SYNPR: variants seen among roughly 807,000 people sequenced by gnomAD.
The protein encoded by SYNPR is synaptoporin.
Under a neutral mutation model 32.9 loss-of-function variants are expected in SYNPR, and 23 were observed. That is an observed-to-expected ratio of 0.70 (90% CI 0.50 to 0.99). The LOEUF is 0.99. Ranked by LOEUF, SYNPR falls within the 50% of genes least tolerant of loss-of-function variation. The pLI is 0.00. For synonymous variants in SYNPR, 146 were observed against 135.9 expected (o/e 1.07, Z -0.52); for missense variants, 318 against 349.3 (o/e 0.91, Z 0.71).
At chr3:63,341,254 A>G (rs2087366955) in intron 2 of SYNPR, among the ~76,000 whole-genome samples, 1 of 152,196 alleles carries the variant, frequency 6.6e-6, no homozygotes, top group Non-Finnish European at 1.5e-5. Context: ...ATTCCATTGT[A>G]TGGATGTACC....
chr3:63,330,389 ATC>A (rs1560194175), intron 2 of SYNPR: 1 of 152,024 alleles, frequency 6.6e-6, no homozygotes, highest in Non-Finnish European at 1.5e-5. Context: ...TTCCTACTCA[ATC>A]TGTGGCTGGA....
chr3:63,381,758 C>A (rs1472931349), intron 2 of SYNPR, among the ~76,000 whole-genome samples: 2 of 152,136 alleles, frequency 1.3e-5, no homozygotes, highest in East Asian at 3.9e-4. Context: ...TTCATTCTCT[C>A]TGTGTATTGT....
At chr3:63,340,698 C>T (rs1329898285) in intron 2 of SYNPR, among the ~76,000 whole-genome samples, 7 of 152,114 alleles carry the variant, frequency 4.6e-5, no homozygotes, top group Admixed American at 6.5e-5. Flanking sequence ...GGATTACAGG[C>T]GTGAGCCACC....
At chr3:63,545,450 A>C (rs1381797204) in intron 3 of SYNPR, 1 of 152,146 alleles carries the variant, frequency 6.6e-6, no homozygotes, top group East Asian at 1.9e-4. Context: ...GTCTACAGCC[A>C]TACCACCCTG....
chr3:63,580,921 G>A (rs1352420223), intron 4 of SYNPR, among the ~76,000 whole-genome samples: 1 of 152,116 alleles, frequency 6.6e-6, no homozygotes, highest in Non-Finnish European at 1.5e-5. Context: ...CTTCACAACA[G>A]TTTTGTGAGG....
At chr3:63,229,503 C>T (rs887438933) in intron 1 of SYNPR, among the ~76,000 whole-genome samples, 1 of 152,088 alleles carries the variant, frequency 6.6e-6, no homozygotes, top group Non-Finnish European at 1.5e-5. Flanking sequence ...ATTCATGATC[C>T]TTTGGGACAC....
At chr3:63,335,879 C>T (rs953325513) in intron 2 of SYNPR, among the ~76,000 whole-genome samples, 4 of 145,974 alleles carry the variant, frequency 2.7e-5, no homozygotes, top group East Asian at 4.0e-4. Context: ...CAGGTTCAAG[C>T]GATTCTTCTG....
chr3:63,210,436 T>C, the SYNPR span, among the ~76,000 whole-genome samples: 2 of 152,226 alleles, frequency 1.3e-5, no homozygotes, highest in African/African-American at 2.4e-5. Flanking sequence ...TACACAGGAC[T>C]CTCCTTTTTG....
the SYNPR span, among the ~76,000 whole-genome samples, chr3:63,201,230 G>C: frequency 6.6e-6 from 1 of 152,022 alleles, no homozygotes; most frequent in African/African-American, 2.4e-5. Flanking sequence ...GAGGGAAGGG[G>C]CCATGTTGCA....
chr3:63,601,212 G>A (rs1410621397), intron 4 of SYNPR, among the ~76,000 whole-genome samples: 1 of 151,794 alleles, frequency 6.6e-6, no homozygotes, highest in Non-Finnish European at 1.5e-5. Flanking sequence ...GGTGGAGGTT[G>A]TGGTGAGCCG....
At chr3:63,561,195 G>T (rs944811062) in intron 4 of SYNPR, among the ~76,000 whole-genome samples, 1 of 152,066 alleles carries the variant, frequency 6.6e-6, no homozygotes, top group Non-Finnish European at 1.5e-5. Context: ...TATACATCCT[G>T]CACAAATAAA....
chr3:63,206,669 T>G, the SYNPR span, among the ~76,000 whole-genome samples: 1 of 152,226 alleles, frequency 6.6e-6, no homozygotes, highest in Non-Finnish European at 1.5e-5. Flanking sequence ...GAATGTGACA[T>G]AGAGATGTAT....
chr3:63,334,579 T>C (rs1348259735), intron 2 of SYNPR, among the ~76,000 whole-genome samples: 1 of 151,372 alleles, frequency 6.6e-6, no homozygotes, highest in Non-Finnish European at 1.5e-5. Flanking sequence ...GACAGGCAGA[T>C]GATGGTGATT....
At chr3:63,231,334 T>A (rs1374206724) in intron 1 of SYNPR, among the ~76,000 whole-genome samples, 1 of 151,154 alleles carries the variant, frequency 6.6e-6, no homozygotes, top group African/African-American at 2.4e-5. Context: ...TGGGAGGAGG[T>A]TGGGAGGGGA....
chr3:63,561,999 C>G lies in SYNPR; in HGVS notation c.408+5258C>G, dbSNP rs576836634. Among the ~76,000 whole-genome samples, 84 of 152,110 alleles carry G rather than the reference C, an allele frequency of 5.5e-4. 1 individual carries two copies. In the Middle Eastern group the frequency reaches 0.01, roughly 18 times the overall value. ...TGATATAATAGTTAGAAAATTGGGC[C>G]AAAGAAATCAGCCAGCTACTGTATG... On this transcript the variant is annotated intron_variant, in intron 4 of 5. Coordinates refer to ENST00000478300, the MANE Select transcript of SYNPR (RefSeq NM_001130003.2).
At position 63,240,903 on chromosome 3, in the gene SYNPR, A is replaced by C. The variant is rs1027238981; in HGVS notation, n.67-11596A>C. On this transcript the variant is annotated intron_variant and non_coding_transcript_variant, in intron 1 of 4. Transcript: ENST00000478456. ...TGGTAGAATCCCACTGTGCCATGAG[A>C]CTTTGTATTCTCCCCATTGACCACA... Among the ~76,000 whole-genome samples the C allele has an allele frequency of 3.9e-5, 6 of 152,210 alleles. No homozygotes were observed. The South Asian group carries it at 1.2e-3, about 32-fold the overall frequency.
intron 2 of SYNPR, among the ~76,000 whole-genome samples, chr3:63,258,835 T>A (rs1035067589): frequency 6.6e-6 from 1 of 151,492 alleles, no homozygotes; most frequent in South Asian, 2.1e-4. Flanking sequence ...GCAAGACTAA[T>A]AAAGAAGAAA....
At chr3:63,427,987 C>A (rs923729649) in intron 2 of SYNPR, among the ~76,000 whole-genome samples, 3 of 152,188 alleles carry the variant, frequency 2.0e-5, no homozygotes, top group African/African-American at 7.2e-5. Context: ...TACCTCTAAG[C>A]ACTAGTTTTT....
intron 2 of SYNPR, among the ~76,000 whole-genome samples, chr3:63,375,734 TA>T: frequency 6.6e-6 from 1 of 151,788 alleles, no homozygotes; most frequent in African/African-American, 2.4e-5. Flanking sequence ...ATAATAATAA[TA>T]ATTAGTATAG....
Sources: gnomAD v4.1 joint callset for allele counts (sites outside exome capture counted in the v4.1 genomes callset) on GRCh38, gnomAD v4.1.1 for gene constraint, MANE v1.5 for transcripts, NCBI Gene and HGNC (gene_info 2026-07-23, HGNC 2026-07-21) for gene names.